The following PLCB4 variants were observed in gnomAD, a reference collection of about 807,000 sequenced individuals.
PLCB4 encodes 1-phosphatidylinositol 4,5-bisphosphate phosphodiesterase beta-4.
Under a neutral mutation model 178.8 loss-of-function variants are expected in PLCB4, and 77 were observed. The observed-to-expected ratio is 0.43, with a 90% CI of 0.36 to 0.52. The LOEUF (loss-of-function observed/expected upper bound fraction) is 0.52. PLCB4 is among the 20% of genes least tolerant of loss of function. The pLI is 0.00. For missense variants in PLCB4, 1,024 were observed against 1,453.4 expected, an observed-to-expected ratio of 0.70 and a Z score of 4.80; for synonymous variants, 496 against 490.8, an observed-to-expected ratio of 1.01 and a Z score of -0.14.
At chr20:9,070,297 G>T (rs1334116932) in intron 1 of PLCB4, among the ~76,000 whole-genome samples, 2 of 152,160 alleles carry the variant, frequency 1.3e-5, no homozygotes, top group African/African-American at 4.8e-5. Context: ...TTTCAGAATA[G>T]AAAAATTGTG....
chr20:9,113,305 A>G (rs1263559666), intron 2 of PLCB4, among the ~76,000 whole-genome samples: 1 of 152,216 alleles, frequency 6.6e-6, no homozygotes, highest in Non-Finnish European at 1.5e-5. Flanking sequence ...CTCAGATAGC[A>G]GCACAAAACA....
chr20:9,127,367 A>C (rs1004287867), intron 2 of PLCB4, among the ~76,000 whole-genome samples: 1 of 152,168 alleles, frequency 6.6e-6, no homozygotes, highest in Non-Finnish European at 1.5e-5. Context: ...CTCTGTGATA[A>C]AATAATAGAT....
At chr20:9,424,725 G>A (rs953722721) in intron 28 of PLCB4, among the ~76,000 whole-genome samples, 2 of 152,104 alleles carry the variant, frequency 1.3e-5, no homozygotes, top group African/African-American at 4.8e-5. Context: ...CTCCCTCATA[G>A]CATTATTGTG....
intron 3 of PLCB4, among the ~76,000 whole-genome samples, chr20:9,254,630 G>A (rs2094215177): frequency 6.6e-6 from 1 of 152,152 alleles, no homozygotes; most frequent in South Asian, 2.1e-4. Flanking sequence ...TCTGGGAGTT[G>A]GAGGTTGCAG....
chr20:9,257,257 G>A (rs1181786854), intron 3 of PLCB4, among the ~76,000 whole-genome samples: 1 of 152,154 alleles, frequency 6.6e-6, no homozygotes, highest in Non-Finnish European at 1.5e-5. Context: ...GGAGGTAACT[G>A]CATGATTTTA....
At chr20:9,329,277 G>T (rs1365201033) in intron 4 of PLCB4, among the ~76,000 whole-genome samples, 1 of 152,126 alleles carries the variant, frequency 6.6e-6, no homozygotes, top group Non-Finnish European at 1.5e-5. Context: ...GAAAAGAAAT[G>T]ATTTGGGGGC....
At chr20:9,159,230 G>A (rs140445137) in intron 2 of PLCB4, among the ~76,000 whole-genome samples, 70 of 152,238 alleles carry the variant, frequency 4.6e-4, no homozygotes, top group African/African-American at 1.5e-3. Context: ...AGACTACTTA[G>A]AAAATGGCCT....
At chr20:9,296,160 A>G (rs7363181) in intron 3 of PLCB4, among the ~76,000 whole-genome samples, 44 of 152,294 alleles carry the variant, frequency 2.9e-4, no homozygotes, top group African/African-American at 9.6e-4. Context: ...CAAATCTATA[A>G]GAAAAAAACA....
chr20:9,464,688 T>C (rs2043643971), intron 35 of PLCB4, among the ~76,000 whole-genome samples: 1 of 151,842 alleles, frequency 6.6e-6, no homozygotes, highest in Admixed American at 6.6e-5. Flanking sequence ...CTAGAAGAAA[T>C]GGATAAATTC....
rs369310938 is a variant in PLCB4 at position 9,079,763 on chromosome 20, A to G, written c.-135+10557A>G. Among the ~76,000 whole-genome samples, 9 of 152,310 alleles carry G rather than the reference A, an allele frequency of 5.9e-5. No individual in the cohort carries two copies. In the East Asian group the frequency reaches 1.5e-3, roughly 26 times the overall value. ...ATTGAAATTGAAATTGAAATTGGGAATTTTCTACAATACCACATGGCTGGT... is the reference window on the plus strand; with the variant it reads ...ATTGAAATTGAAATTGAAATTGGGAGTTTTCTACAATACCACATGGCTGGT... On this transcript the variant is annotated intron_variant, in intron 1 of 39. Coordinates refer to ENST00000378473, the MANE Select transcript of PLCB4 (RefSeq NM_001377142.1).
At chr20:9,087,779 G>A (rs2090500635) in intron 1 of PLCB4, among the ~76,000 whole-genome samples, 1 of 152,168 alleles carries the variant, frequency 6.6e-6, no homozygotes, top group South Asian at 2.1e-4. Flanking sequence ...TGGATTTTTT[G>A]GAGAGCCCTT....
intron 17 of PLCB4, 94 bp from the exon 18 acceptor site, chr20:9,393,494 A>G: frequency 5.1e-6 from 4 of 788,944 alleles, no homozygotes; most frequent in Non-Finnish European, 6.3e-6. Flanking sequence ...GTTGGGTTGC[A>G]TCACTCCCAG....
In PLCB4 at chr20:9,090,225, A is replaced by ATGTGTGTGTGTGTGTG. The variant is rs11087835; in HGVS notation, c.-134-6054_-134-6039dup. ...TGTTATTTAATTGAGAATACTATTT[A>ATGTGTGTGTGTGTGTG]TGTGTGTGTGTGTGTGTGTGTGTCT... On this transcript the variant is annotated intron_variant, in intron 1 of 39. Transcript: ENST00000378473. Among the ~76,000 whole-genome samples the ATGTGTGTGTGTGTGTG allele has an allele frequency of 2.3e-3, 342 of 149,522 alleles. 3 individuals carry two copies. Among genetic ancestry groups the ATGTGTGTGTGTGTGTG allele is most frequent in the Admixed American group, 3.6e-3 (54 of 14,960 alleles).
chr20:9,291,760 C>T (rs1229827799), intron 3 of PLCB4, among the ~76,000 whole-genome samples: 1 of 152,044 alleles, frequency 6.6e-6, no homozygotes, highest in Admixed American at 6.6e-5. Context: ...ATTTTTTTGA[C>T]TAAAGGTTAC....
At chr20:9,433,914 T>G (rs2041594018) in intron 28 of PLCB4, among the ~76,000 whole-genome samples, 1 of 152,052 alleles carries the variant, frequency 6.6e-6, no homozygotes. Context: ...TTCGGTGGAG[T>G]GCAATTTGGC....
intron 2 of PLCB4, among the ~76,000 whole-genome samples, chr20:9,146,389 A>G (rs1417974962): frequency 6.6e-6 from 1 of 152,138 alleles, no homozygotes; most frequent in African/African-American, 2.4e-5. Flanking sequence ...TGTACACACA[A>G]GACTAGGGGT....
intron 3 of PLCB4, among the ~76,000 whole-genome samples, chr20:9,254,721 G>A (rs1238341070): frequency 1.3e-5 from 2 of 151,992 alleles, no homozygotes; most frequent in Non-Finnish European, 2.9e-5. Flanking sequence ...AAAAAAAATT[G>A]TCTTATCACA....
At chr20:9,342,401 G>C (rs564300028) in intron 7 of PLCB4, among the ~76,000 whole-genome samples, 1 of 152,276 alleles carries the variant, frequency 6.6e-6, no homozygotes, top group Non-Finnish European at 1.5e-5. Flanking sequence ...TAGCCTAGGA[G>C]CCTAGAATCA....
Position 9,425,326 on chromosome 20 carries a change from A to G in PLCB4, c.2524+1374A>G, listed in dbSNP as rs145697097. On this transcript the variant is annotated intron_variant, in intron 28 of 39. Coordinates refer to ENST00000378473, the MANE Select transcript of PLCB4 (RefSeq NM_001377142.1). The stretch of plus-strand genomic sequence containing the variant: ...GCAGGAACTGTGGAATACCTCATAC[A>G]TTTTAGAAATAGTTGTATAAACCCA... Among the ~76,000 whole-genome samples the G allele has an allele frequency of 1.8e-4, 28 of 152,374 alleles. 1 individual carries two copies. The highest frequency in any genetic ancestry group is 1.3e-3 in the East Asian group (7 of 5,192).
Sources: allele counts gnomAD v4.1 joint callset (sites outside exome capture counted in the v4.1 genomes callset), GRCh38; gene constraint gnomAD v4.1.1; transcripts MANE v1.5; gene names NCBI Gene and HGNC (gene_info 2026-07-23, HGNC 2026-07-21).